PPARGC1A: variants seen among roughly 807,000 people sequenced by gnomAD.
PPARGC1A encodes PPARG coactivator 1 alpha, also known as peroxisome proliferator-activated receptor gamma coactivator 1-alpha.
Under a neutral mutation model 88.7 loss-of-function variants are expected in PPARGC1A, and 25 were observed. The observed-to-expected ratio is 0.28, with a 90% CI of 0.21 to 0.39. The LOEUF (loss-of-function observed/expected upper bound fraction) is 0.39, where lower values mean the gene tolerates loss of function less well. Ranked by LOEUF, PPARGC1A falls within the 10% of genes least tolerant of loss-of-function variation. The pLI is 1.00. For synonymous variants in PPARGC1A, 363 were observed against 355.6 expected (o/e 1.02, Z -0.24); for missense variants, 880 against 968.7 (o/e 0.91, Z 1.22).
chr4:24,391,091 C>G, the PPARGC1A span, among the ~76,000 whole-genome samples: 1 of 152,008 alleles, frequency 6.6e-6, no homozygotes, highest in African/African-American at 2.4e-5. Context: ...GAAATTCTTA[C>G]AAAAAATCTA....
chr4:24,120,993 A>G, the PPARGC1A span, among the ~76,000 whole-genome samples: 3,316 of 152,320 alleles, frequency 0.022, 93 homozygotes, highest in East Asian at 0.071. Flanking sequence ...TTCTCTCTCC[A>G]ATAGCAACAA....
At chr4:24,034,434 T>C in the PPARGC1A span, among the ~76,000 whole-genome samples, 1 of 152,322 alleles carries the variant, frequency 6.6e-6, no homozygotes, top group East Asian at 1.9e-4. Context: ...CTGATGATAA[T>C]AAGACTTACT....
the PPARGC1A span, among the ~76,000 whole-genome samples, chr4:24,327,202 C>T: frequency 6.6e-6 from 1 of 152,178 alleles, no homozygotes; most frequent in Admixed American, 6.5e-5. Flanking sequence ...ATAGACGCTC[C>T]TTTTTATTAG....
chr4:24,064,650 C>A, the PPARGC1A span, among the ~76,000 whole-genome samples: 3 of 152,170 alleles, frequency 2.0e-5, no homozygotes, highest in Admixed American at 1.3e-4. Context: ...AAACCCCCAG[C>A]AGCCCCTTGT....
the PPARGC1A span, among the ~76,000 whole-genome samples, chr4:24,356,216 A>AG: frequency 9.6e-3 from 1,439 of 150,372 alleles, 46 homozygotes; most frequent in East Asian, 0.078. Flanking sequence ...AAAAAAAAAA[A>AG]AGAGAGAGAG....
chr4:24,068,397 A>G, the PPARGC1A span, among the ~76,000 whole-genome samples: 2 of 152,140 alleles, frequency 1.3e-5, no homozygotes, highest in Non-Finnish European at 2.9e-5. Flanking sequence ...CTTTTTGCCA[A>G]TCATTCACTG....
intron 7 of PPARGC1A, chr4:23,820,684 A>G (rs1247211599): frequency 4.9e-6 from 2 of 404,614 alleles, no homozygotes; most frequent in Non-Finnish European, 1.0e-5. Context: ...GAGCTAGTTT[A>G]GGACAATCAC....
the PPARGC1A span, among the ~76,000 whole-genome samples, chr4:24,015,832 T>A: frequency 6.6e-6 from 1 of 152,180 alleles, no homozygotes; most frequent in East Asian, 1.9e-4. Context: ...AAACTAATGT[T>A]CATTTCATAA....
chr4:23,932,442 GTCAAAGCTC>G, the PPARGC1A span, among the ~76,000 whole-genome samples: 1 of 152,118 alleles, frequency 6.6e-6, no homozygotes, highest in African/African-American at 2.4e-5. Flanking sequence ...CATAAAAGGG[GTCAAAGCTC>G]AGGAGTGCCC....
the PPARGC1A span, among the ~76,000 whole-genome samples, chr4:24,013,066 T>C: frequency 1.3e-5 from 2 of 152,168 alleles, no homozygotes; most frequent in Admixed American, 1.3e-4. Flanking sequence ...GTGAGTTTCA[T>C]TCATTTAGCC....
chr4:24,339,227 T>C, the PPARGC1A span, among the ~76,000 whole-genome samples: 21,025 of 88,726 alleles, frequency 0.24, 1,915 homozygotes, highest in Middle Eastern at 0.35. Flanking sequence ...TATATATATA[T>C]ATATATATAT....
the PPARGC1A span, among the ~76,000 whole-genome samples, chr4:24,424,229 T>A: frequency 1.4e-5 from 2 of 142,332 alleles, no homozygotes; most frequent in African/African-American, 5.2e-5. Flanking sequence ...AAAAAAAAAA[T>A]TGTATGAAAG....
chr4:24,160,327 T>C, the PPARGC1A span, among the ~76,000 whole-genome samples: 1 of 152,202 alleles, frequency 6.6e-6, no homozygotes, highest in Non-Finnish European at 1.5e-5. Context: ...AGTGCAAATA[T>C]ATGTGGAGTA....
At chr4:24,221,140 G>A in the PPARGC1A span, among the ~76,000 whole-genome samples, 7 of 152,194 alleles carry the variant, frequency 4.6e-5, no homozygotes, top group South Asian at 2.1e-4. Context: ...AGAATGAGAC[G>A]GGGAGTCACA....
At chr4:24,113,386 A>G in the PPARGC1A span, among the ~76,000 whole-genome samples, 1 of 152,178 alleles carries the variant, frequency 6.6e-6, no homozygotes. Context: ...AAGTGCAACT[A>G]GTAGAAATAT....
chr4:24,149,045 G>T, the PPARGC1A span, among the ~76,000 whole-genome samples: 1 of 152,036 alleles, frequency 6.6e-6, no homozygotes. Context: ...CTTTCACTAT[G>T]CCCTTTAAAA....
chr4:24,109,704 G>A, the PPARGC1A span, among the ~76,000 whole-genome samples: 1 of 152,164 alleles, frequency 6.6e-6, no homozygotes, highest in Non-Finnish European at 1.5e-5. Flanking sequence ...AATAGATCCT[G>A]AGTAGTAGAG....
At chr4:24,339,221 T>TACACACACAC in the PPARGC1A span, among the ~76,000 whole-genome samples, 7 of 55,262 alleles carry the variant, frequency 1.3e-4, no homozygotes, top group Admixed American at 2.2e-4. Flanking sequence ...TGTATATATA[T>TACACACACAC]ATATATATAT....
chr4:24,011,900 C>T, the PPARGC1A span, among the ~76,000 whole-genome samples: 17 of 152,138 alleles, frequency 1.1e-4, no homozygotes, highest in African/African-American at 4.1e-4. Flanking sequence ...ATCATATGAA[C>T]AGCAGTTATG....
Sources: allele counts gnomAD v4.1 joint callset (sites outside exome capture counted in the v4.1 genomes callset), GRCh38; gene constraint gnomAD v4.1.1; transcripts MANE v1.5; gene names NCBI Gene and HGNC (gene_info 2026-07-23, HGNC 2026-07-21).